The following PPP3R1 variants were observed in gnomAD, a reference collection of about 807,000 sequenced individuals.
The protein encoded by PPP3R1 is protein phosphatase 3 regulatory subunit B, alpha.
Under a neutral mutation model 22.6 loss-of-function variants are expected in PPP3R1, and 5 were observed. The observed-to-expected ratio is 0.22, with a 90% CI of 0.12 to 0.46. The LOEUF (loss-of-function observed/expected upper bound fraction) is 0.46. Ranked by LOEUF, PPP3R1 falls within the 20% of genes least tolerant of loss-of-function variation. PPP3R1 has a pLI of 0.99. For synonymous variants in PPP3R1, 56 were observed against 65.2 expected (o/e 0.86, Z 0.68); for missense variants, 61 against 203.2 (o/e 0.30, Z 4.25).
chr2:68,231,389 C>T (rs1003279063), intron 1 of PPP3R1, among the ~76,000 whole-genome samples: 7 of 150,722 alleles, frequency 4.6e-5, no homozygotes, highest in East Asian at 1.9e-4. Flanking sequence ...GTTTCATGTA[C>T]GTCAGTTTTT....
At chr2:68,221,442 G>A (rs968858476) in intron 1 of PPP3R1, among the ~76,000 whole-genome samples, 18 of 152,220 alleles carry the variant, frequency 1.2e-4, no homozygotes, top group African/African-American at 4.3e-4. Context: ...AGGGTGCAGT[G>A]AGCCTTGAGC....
chr2:68,245,807 TA>T (rs1481508808), intron 1 of PPP3R1, among the ~76,000 whole-genome samples: 4 of 152,202 alleles, frequency 2.6e-5, no homozygotes, highest in Non-Finnish European at 5.9e-5. Flanking sequence ...TCAAAACAGT[TA>T]AACCATTTAC....
At position 68,180,930 on chromosome 2, in the gene PPP3R1, G is replaced by A; in HGVS notation, c.*33C>T. The A allele has an allele frequency of 6.3e-7, 1 of 1,594,014 alleles. No homozygotes were observed. Among genetic ancestry groups the A allele is most frequent in the Non-Finnish European group, 8.6e-7 (1 of 1,162,264 alleles). ...CAGATCTTCAGAGATGGAGAAGAAAGCAAAAGTGTTGGGTGGTACTCTCTG... is the reference window on the plus strand; with the variant it reads ...CAGATCTTCAGAGATGGAGAAGAAAACAAAAGTGTTGGGTGGTACTCTCTG... On this transcript the variant is annotated 3_prime_UTR_variant, in exon 6 of 6. Coordinates refer to ENST00000234310, the MANE Select transcript of PPP3R1 (RefSeq NM_000945.4).
intron 4 of PPP3R1, 139 bp downstream of exon 4, chr2:68,187,116 C>T (rs1674562226): frequency 3.0e-6 from 2 of 658,282 alleles, no homozygotes; most frequent in African/African-American, 1.9e-5. Flanking sequence ...AAAGGATTTT[C>T]ACCAGAATGT....
intron 2 of PPP3R1, among the ~76,000 whole-genome samples, chr2:68,209,976 A>G (rs6758449): frequency 0.75 from 113,005 of 151,650 alleles, 43,156 homozygotes; most frequent in African/African-American, 0.93. Context: ...GTTTTGGGGG[A>G]AAAAAAAGGA....
chr2:68,239,407 AAAAGTATGACTGT>A (rs1670076557), intron 1 of PPP3R1, among the ~76,000 whole-genome samples: 1 of 152,238 alleles, frequency 6.6e-6, no homozygotes, highest in Admixed American at 6.5e-5. Context: ...AAGAGAGTAA[AAAAGTATGACTGT>A]ACAAGGTTTC....
At chr2:68,217,040 A>ACAC in intron 2 of PPP3R1, 52 bp downstream of exon 2, 2 of 1,189,096 alleles carry the variant, frequency 1.7e-6, no homozygotes, top group Non-Finnish European at 2.3e-6. Flanking sequence ...ACACACACAC[A>ACAC]GAGAGAGATG....
chr2:68,210,769 C>G (rs1669462155), intron 2 of PPP3R1, among the ~76,000 whole-genome samples: 1 of 152,136 alleles, frequency 6.6e-6, no homozygotes, highest in Non-Finnish European at 1.5e-5. Context: ...AAAAAACATA[C>G]AGTTTGGCCA....
intron 1 of PPP3R1, among the ~76,000 whole-genome samples, chr2:68,238,534 T>C (rs1251571505): frequency 6.6e-6 from 1 of 152,178 alleles, no homozygotes; most frequent in African/African-American, 2.4e-5. Flanking sequence ...AGAGCCCGAC[T>C]GTCATGCAAA....
At chr2:68,222,378 C>G (rs1669700951) in intron 1 of PPP3R1, among the ~76,000 whole-genome samples, 1 of 152,162 alleles carries the variant, frequency 6.6e-6, no homozygotes, top group Non-Finnish European at 1.5e-5. Context: ...CCAAGGGATG[C>G]TCAGATATCC....
At chr2:68,181,594 CTT>C (rs35684152) in intron 5 of PPP3R1, among the ~76,000 whole-genome samples, 2 of 137,742 alleles carry the variant, frequency 1.5e-5, no homozygotes, top group African/African-American at 2.7e-5. Context: ...TCACATTTTC[CTT>C]TTTTTTTTTT....
intron 1 of PPP3R1, among the ~76,000 whole-genome samples, chr2:68,235,485 GCTA>G (rs1191813866): frequency 2.0e-5 from 3 of 152,218 alleles, no homozygotes; most frequent in African/African-American, 7.2e-5. Flanking sequence ...TGTATGACTG[GCTA>G]CTTAGTCGAG....
At position 68,252,351 on chromosome 2, in the gene PPP3R1, A is replaced by C. The variant is rs1670386935; in HGVS notation, c.-224T>G. On this transcript the variant is annotated 5_prime_UTR_variant, in exon 1 of 6. Transcript: ENST00000234310. The stretch of plus-strand genomic sequence containing the variant: ...GGTAGGGGGAAATAAATTAAGGTCG[A>C]GATTCAGAGCCGGAGAGCGCGGGAG... 1 of 1,009,442 alleles carries C rather than the reference A, an allele frequency of 9.9e-7. No homozygotes were observed. The highest frequency in any genetic ancestry group is 1.7e-5 in the African/African-American group (1 of 57,376). The allele number at this position is 1,009,442 out of a possible 1,614,324, so 62.5% of individuals were successfully genotyped here. A position where few individuals can be genotyped will look rare whatever the true frequency, so the allele number is the denominator to read the frequency against.
intron 5 of PPP3R1, among the ~76,000 whole-genome samples, chr2:68,182,631 C>T (rs1674438256): frequency 7.7e-6 from 1 of 129,300 alleles, no homozygotes. Context: ...GCCTGACCAA[C>T]ATGGTGAAAC....
intron 1 of PPP3R1, among the ~76,000 whole-genome samples, chr2:68,224,389 G>A (rs756596160): frequency 6.6e-6 from 1 of 152,128 alleles, no homozygotes. Context: ...GGCTGGGTGC[G>A]GTAGCTCATG....
intron 2 of PPP3R1, among the ~76,000 whole-genome samples, chr2:68,207,188 G>T (rs1338635320): frequency 6.8e-6 from 1 of 147,642 alleles, no homozygotes; most frequent in Admixed American, 6.8e-5. Context: ...GGTCATTTTT[G>T]GGAAATTGAT....
At chr2:68,238,103 T>A (rs1256887440) in intron 1 of PPP3R1, among the ~76,000 whole-genome samples, 1 of 152,104 alleles carries the variant, frequency 6.6e-6, no homozygotes, top group South Asian at 2.1e-4. Flanking sequence ...TAAACACTTA[T>A]CCACAGGACT....
intron 1 of PPP3R1, among the ~76,000 whole-genome samples, chr2:68,244,905 AG>A (rs1670205884): frequency 6.6e-6 from 1 of 152,248 alleles, no homozygotes; most frequent in Admixed American, 6.5e-5. Context: ...GACAAAGACA[AG>A]GCTTCTGCAT....
chr2:68,181,486 GT>G (rs1217628723), intron 5 of PPP3R1, among the ~76,000 whole-genome samples: 1 of 151,620 alleles, frequency 6.6e-6, no homozygotes, highest in African/African-American at 2.4e-5. Context: ...GTGACCTCCA[GT>G]TAGAATTTTC....
Sources: gnomAD v4.1 joint callset for allele counts (sites outside exome capture counted in the v4.1 genomes callset) on GRCh38, gnomAD v4.1.1 for gene constraint, MANE v1.5 for transcripts, NCBI Gene and HGNC (gene_info 2026-07-23, HGNC 2026-07-21) for gene names.